Variants in RPL14 observed in about 807,000 individuals in gnomAD.
RPL14 encodes ribosomal protein L14.
A neutral mutation model predicts 25.3 loss-of-function variants in RPL14; 4 were observed. That is an observed-to-expected ratio of 0.16 (90% CI 0.08 to 0.36). The LOEUF is 0.36. Among genes scored for constraint, RPL14 ranks in the 10% least tolerant of loss-of-function variants. The pLI is 1.00. For missense variants in RPL14, 212 were observed against 261.9 expected (o/e 0.81, Z 1.31); for synonymous variants, 75 against 89.8 (o/e 0.84, Z 0.93).
At chr3:40,458,245 A>G (rs76916210) in intron 2 of RPL14, 62 of 566,216 alleles carry the variant, frequency 1.1e-4, no homozygotes, top group African/African-American at 1.1e-3. Flanking sequence ...ATGAGTTACT[A>G]TACGTAAAGT....
chr3:40,459,000 A>C, intron 3 of RPL14: 2 of 372,684 alleles, frequency 5.4e-6, no homozygotes, highest in South Asian at 3.1e-5. Flanking sequence ...CATGGCGAAA[A>C]CCCCCATCTC....
At chr3:40,459,858 C>CAAAAAAAAAAAAAAAA (rs10682822) in intron 3 of RPL14, among the ~76,000 whole-genome samples, 2 of 90,976 alleles carry the variant, frequency 2.2e-5, no homozygotes, top group African/African-American at 9.4e-5. Flanking sequence ...GACTCCGTTT[C>CAAAAAAAAAAAAAAAA]AAAAAAAAAA....
rs1240637439 is a variant in RPL14, at chr3:40,465,721, T to C, written c.*3489T>C. On this transcript the variant is annotated 3_prime_UTR_variant, in exon 6 of 6. Coordinates refer to ENST00000396203, the MANE Select transcript of RPL14 (RefSeq NM_001034996.3). ...CCTTTGGCTACAGTCCATGAGGTGCTCAGAGGATGAGAAAGCTTCAGGGTA... is the reference window on the plus strand; with the variant it reads ...CCTTTGGCTACAGTCCATGAGGTGCCCAGAGGATGAGAAAGCTTCAGGGTA... 6.6e-6 allele frequency: 1 copy of C among 152,130 alleles called. No individual in the cohort carries two copies. Among genetic ancestry groups the C allele is most frequent in the African/African-American group, 2.4e-5 (1 of 41,398 alleles). 9.4% of individuals were successfully genotyped at this position (152,130 alleles called of 1,614,324 possible).
rs1022780980 is a variant in RPL14, at chr3:40,466,309, A to G, written c.*4077A>G. On this transcript the variant is annotated 3_prime_UTR_variant, in exon 6 of 6. Transcript: ENST00000396203. ...AATTATTGAAATATCCAGGTGCATA[A>G]AAGTCTACTTTGATTATGGAGAACT... is the stretch of plus-strand genomic sequence containing the variant. 2 of 151,740 alleles carry G rather than the reference A, an allele frequency of 1.3e-5. No individual in the cohort carries two copies. Among genetic ancestry groups the G allele is most frequent in the African/African-American group, 4.8e-5 (2 of 41,254 alleles). 9.4% of individuals were successfully genotyped at this position (151,740 alleles called of 1,614,324 possible).
In RPL14 at chr3:40,461,669, T is replaced by C. The variant is rs751127934; in HGVS notation, c.354+8T>C. ...ATGAAGGCAAAGAAAATGGTAAGAT[T>C]TAAGATCTGTATTTTTGTGTAACTT... is the stretch of plus-strand genomic sequence containing the variant. On this transcript the variant is annotated splice_region_variant and intron_variant, in intron 5 of 5. Transcript: ENST00000396203. The C allele has an allele frequency of 6.3e-7, 1 of 1,597,162 alleles. No individual in the cohort carries two copies. The highest frequency in any genetic ancestry group is 1.8e-5 in the Admixed American group (1 of 56,404).
rs908047554 is a variant in RPL14 at position 40,463,844 on chromosome 3, A to C, written c.*1612A>C. The C allele has an allele frequency of 6.6e-5, 10 of 152,574 alleles. No homozygotes were observed. Among genetic ancestry groups the C allele is most frequent in the African/African-American group, 2.4e-4 (10 of 41,448 alleles). 9.5% of individuals were successfully genotyped at this position (152,574 alleles called of 1,614,324 possible). A position where few individuals can be genotyped will look rare whatever the true frequency, so the allele number is the denominator to read the frequency against. On this transcript the variant is annotated 3_prime_UTR_variant, in exon 6 of 6. Transcript: ENST00000396203. Reference sequence around the variant, plus strand: ...TCTCGTCCTAAGTGTTTCAGATAAGAGATACTTATCCTGTGTATAGTAGGT... The same window carrying C: ...TCTCGTCCTAAGTGTTTCAGATAAGCGATACTTATCCTGTGTATAGTAGGT...
intron 3 of RPL14, among the ~76,000 whole-genome samples, chr3:40,460,662 A>G (rs779159718): frequency 1.1e-4 from 17 of 150,088 alleles, no homozygotes; most frequent in Admixed American, 2.0e-4. Context: ...CACCCAGGCT[A>G]GAGTGCAGTG....
At chr3:40,459,260 T>C (rs6769309) in intron 3 of RPL14, 146,152 of 153,638 alleles carry the variant, frequency 0.95, 69,830 homozygotes, top group East Asian at 1. Context: ...TTTGTTTAGA[T>C]TTGCCATCTT....
Position 40,465,880 on chromosome 3 carries a change from A to C in RPL14, c.*3648A>C, listed in dbSNP as rs1053331409. The C allele has an allele frequency of 2.0e-5, 3 of 152,156 alleles. No homozygotes were observed. The highest frequency in any genetic ancestry group is 1.9e-4 in the East Asian group (1 of 5,196). 9.4% of individuals were successfully genotyped at this position (152,156 alleles called of 1,614,324 possible). A position where few individuals can be genotyped will look rare whatever the true frequency, so the allele number is the denominator to read the frequency against. On this transcript the variant is annotated 3_prime_UTR_variant, in exon 6 of 6. Transcript: ENST00000396203. ...AAAAGGAGTAGAAAATAAAATTAAT[A>C]AGGTGGGACCATATGATAAGAGATT... is the stretch of plus-strand genomic sequence containing the variant.
Position 40,464,239 on chromosome 3 carries a change from C to A in RPL14, c.*2007C>A. ...CCTCCCAAAGTGCTGGGATTACAGG[C>A]GTGAGCCACCGCTTCTGGCCAGGAA... is the stretch of plus-strand genomic sequence containing the variant. On this transcript the variant is annotated 3_prime_UTR_variant, in exon 6 of 6. Transcript: ENST00000396203. The A allele has an allele frequency of 2.8e-6, 1 of 353,786 alleles. No individual in the cohort carries two copies. The highest frequency in any genetic ancestry group is 5.6e-6 in the Non-Finnish European group (1 of 179,660). 21.9% of individuals were successfully genotyped at this position (353,786 alleles called of 1,614,324 possible).
chr3:40,459,171 G>A (rs1299300550), intron 3 of RPL14: 1 of 156,632 alleles, frequency 6.4e-6, no homozygotes, highest in African/African-American at 2.4e-5. Flanking sequence ...ATGACAGAGT[G>A]AGACCCTGTC....
intron 3 of RPL14, chr3:40,459,136 A>G (rs949720510): frequency 3.7e-5 from 7 of 189,800 alleles, no homozygotes; most frequent in Non-Finnish European, 5.6e-5. Context: ...GAGAGCCGTG[A>G]TCATGCCACT....
Position 40,462,027 on chromosome 3 carries a change from GTACTGCTGC to G in RPL14, c.445_453del (p.Thr149_Ala151del), listed in dbSNP as rs1267901451. ...CCCAAAAAAGCACCTGGTACTAAGGGTACTGCTGCTGCTGCTGCTGCTGCTGCTGCTGCT... is the reference window on the plus strand; with the variant it reads ...CCCAAAAAAGCACCTGGTACTAAGGGTGCTGCTGCTGCTGCTGCTGCTGCT... On this transcript the variant is annotated inframe_deletion, in exon 6 of 6. Coordinates refer to ENST00000396203, the MANE Select transcript of RPL14 (RefSeq NM_001034996.3). The G allele has an allele frequency of 9.9e-6, 4 of 404,270 alleles. No individual in the cohort carries two copies. The highest frequency in any genetic ancestry group is 9.3e-5 in the Admixed American group (2 of 21,592). The allele number at this position is 404,270 out of a possible 1,614,324, so 25.0% of individuals were successfully genotyped here.
rs150483445 is a variant in RPL14, at chr3:40,463,260, G to A, written c.*1028G>A. 6.2e-3 allele frequency: 943 copies of A among 152,710 alleles called. 5 individuals are homozygous for A. Among genetic ancestry groups the A allele is most frequent in the African/African-American group, 0.021 (891 of 41,580 alleles). The allele number at this position is 152,710 out of a possible 1,614,324, so 9.5% of individuals were successfully genotyped here. A position where few individuals can be genotyped will look rare whatever the true frequency, so the allele number is the denominator to read the frequency against. On this transcript the variant is annotated 3_prime_UTR_variant, in exon 6 of 6. Transcript: ENST00000396203. ...TTGATCTTATCACCCAGGCTGGAGT[G>A]CAGTGGCACGATCTTGGCTCAGCGC...
At chr3:40,461,330 A>C (rs922765579) in intron 3 of RPL14, 77 bp from the exon 4 acceptor site, 33 of 1,231,614 alleles carry the variant, frequency 2.7e-5, no homozygotes, top group Middle Eastern at 2.4e-4. Flanking sequence ...AGTGCTTTTC[A>C]AGGAACAAAG....
In RPL14 at chr3:40,461,686, G is replaced by A. The variant is rs755817288; in HGVS notation, c.354+25G>A. The A allele has an allele frequency of 7.6e-6, 12 of 1,578,520 alleles. No homozygotes were observed. In the East Asian group the frequency reaches 2.2e-4, roughly 29 times the overall value. Reference sequence around the variant, plus strand: ...GGTAAGATTTAAGATCTGTATTTTTGTGTAACTTAGCTTTAAATAATAAGG... The same window carrying A: ...GGTAAGATTTAAGATCTGTATTTTTATGTAACTTAGCTTTAAATAATAAGG... On this transcript the variant is annotated intron_variant, in intron 5 of 5. Transcript: ENST00000396203.
rs1358933742 is a variant in RPL14 at position 40,464,385 on chromosome 3, T to C, written c.*2153T>C. ...GTGGTATGGTGTAATAAGGAAAATA[T>C]GGATGATTTCGGATTACCTGTTCTA... On this transcript the variant is annotated 3_prime_UTR_variant, in exon 6 of 6. Transcript: ENST00000396203. 4.5e-6 allele frequency: 2 copies of C among 448,396 alleles called. No individual in the cohort carries two copies. The highest frequency in any genetic ancestry group is 9.0e-6 in the Non-Finnish European group (2 of 222,888). 27.8% of individuals were successfully genotyped at this position (448,396 alleles called of 1,614,324 possible). A position where few individuals can be genotyped will look rare whatever the true frequency, so the allele number is the denominator to read the frequency against.
rs779637977 is a variant in RPL14, at chr3:40,461,397, C to T, written c.201-10C>T. 6.8e-6 allele frequency: 11 copies of T among 1,612,310 alleles called. No homozygotes were observed. The highest frequency in any genetic ancestry group is 3.3e-4 in the Middle Eastern group (2 of 6,056). On this transcript the variant is annotated splice_polypyrimidine_tract_variant and intron_variant, in intron 3 of 5. Transcript: ENST00000396203. ...CTGATTTCTTAATCTGTGGTCTTGG[C>T]TCGTTCTAGTGCCCACCAGAAGTAT...
rs573460644 is a variant in RPL14 at position 40,464,991 on chromosome 3, T to C, written c.*2759T>C. The C allele has an allele frequency of 6.1e-6, 1 of 165,202 alleles. No homozygotes were observed. Among genetic ancestry groups the C allele is most frequent in the South Asian group, 1.6e-4 (1 of 6,192 alleles). The allele number at this position is 165,202 out of a possible 1,614,324, so 10.2% of individuals were successfully genotyped here. ...GTTTAGGCACATAGTCAAAATCCAG[T>C]TTCCTCATCTATGTGGTACGCTTCA... On this transcript the variant is annotated 3_prime_UTR_variant, in exon 6 of 6. Transcript: ENST00000396203.
Sources: gnomAD v4.1 joint callset for allele counts (sites outside exome capture counted in the v4.1 genomes callset) on GRCh38, gnomAD v4.1.1 for gene constraint, MANE v1.5 for transcripts, NCBI Gene and HGNC (gene_info 2026-07-23, HGNC 2026-07-21) for gene names.